The following PCDHGB1 variants were observed in gnomAD, a reference collection of about 807,000 sequenced individuals.
PCDHGB1 encodes the protein protocadherin gamma-B1.
In PCDHGB1, 34 loss-of-function variants were observed where a neutral mutation model predicts 56.6. That is an observed-to-expected ratio of 0.60 (90% confidence interval 0.46 to 0.80). The LOEUF is 0.80. PCDHGB1 is among the 30% of genes least tolerant of loss of function. The pLI is 0.00. For synonymous variants in PCDHGB1, 561 were observed against 505.9 expected, an observed-to-expected ratio of 1.11 and a Z score of -1.46; for missense variants, 1,278 against 1,204.6, an observed-to-expected ratio of 1.06 and a Z score of -0.90.
intron 1 of PCDHGB1, chr5:141,420,292 T>C (rs761934978): frequency 2.7e-6 from 4 of 1,485,132 alleles, no homozygotes; most frequent in Middle Eastern, 1.8e-4. Context: ...TTTAAAAATG[T>C]ATTTAATCCT....
chr5:141,409,759 C>A, intron 1 of PCDHGB1: 1 of 1,612,958 alleles, frequency 6.2e-7, no homozygotes, highest in Non-Finnish European at 8.5e-7. Flanking sequence ...CGCAGCGCGC[C>A]TTTGATCACG....
chr5:141,390,532 T>A, intron 1 of PCDHGB1: 1 of 531,632 alleles, frequency 1.9e-6, no homozygotes, highest in Non-Finnish European at 3.3e-6. Flanking sequence ...GGTGTGGTTT[T>A]AACCACAAAG....
chr5:141,477,970 T>G lies in PCDHGB1; in HGVS notation c.2410-16837T>G. ...TCTTGGGATCCCCTAACCAGAGCCTTTTTGCCATAGGGCTGCACACTGGTC... is the reference window on the plus strand; with the variant it reads ...TCTTGGGATCCCCTAACCAGAGCCTGTTTGCCATAGGGCTGCACACTGGTC... On this transcript the variant is annotated intron_variant, in intron 1 of 3. Coordinates refer to ENST00000523390, the MANE Select transcript of PCDHGB1 (RefSeq NM_018922.3). This position sits in a 1 kb window ranked among gnomAD's most constrained non-coding sequence, Gnocchi z 4.9. 1 of 1,614,090 alleles carries G rather than the reference T, an allele frequency of 6.2e-7. No homozygotes were observed. The highest frequency in any genetic ancestry group is 8.5e-7 in the Non-Finnish European group (1 of 1,180,002).
At chr5:141,360,400 A>G (rs748670827) in intron 1 of PCDHGB1, 6 of 1,613,978 alleles carry the variant, frequency 3.7e-6, no homozygotes, top group Non-Finnish European at 5.1e-6. Context: ...TGTGAGTGAC[A>G]GAATAGACCG....
At position 141,351,146 on chromosome 5, in the gene PCDHGB1, G is replaced by A; in HGVS notation, c.886G>A (p.Asp296Asn). 3.1e-6 allele frequency: 5 copies of A among 1,613,958 alleles called. No homozygotes were observed. Among genetic ancestry groups the A allele is most frequent in the Middle Eastern group, 1.6e-4 (1 of 6,062 alleles). The change falls in exon 1 of 4, where the codon GAC becomes AAC. Residue 296 changes from aspartate to asparagine, a missense_variant. Asp to Asn is a conservative substitution (Grantham distance 23, BLOSUM62 1). Coordinates refer to ENST00000523390, the MANE Select transcript of PCDHGB1 (RefSeq NM_018922.3). Reference sequence around the variant, plus strand: ...CTTCAATCTCAATCCAAATACTGGCGACATCACAACCAATGGCACATTGGA... The same window carrying A: ...CTTCAATCTCAATCCAAATACTGGCAACATCACAACCAATGGCACATTGGA... Reference protein sequence around the residue: ...SLFNLNPNTGDITTNGTLDFE... With the variant: ...SLFNLNPNTGNITTNGTLDFE...
At chr5:141,369,787 A>G (rs1340381540) in intron 1 of PCDHGB1, among the ~76,000 whole-genome samples, 2 of 152,346 alleles carry the variant, frequency 1.3e-5, no homozygotes, top group African/African-American at 4.8e-5. Context: ...GCCTCTTTAT[A>G]CTACGTCTTC....
rs564486909 is a variant in PCDHGB1, at chr5:141,428,072, G to A, written c.2410-66735G>A. The A allele has an allele frequency of 1.6e-5, 25 of 1,609,080 alleles. No individual in the cohort carries two copies. The South Asian group carries it at 1.9e-4, about 12-fold the overall frequency. On this transcript the variant is annotated intron_variant, in intron 1 of 3. Coordinates refer to ENST00000523390, the MANE Select transcript of PCDHGB1 (RefSeq NM_018922.3). The stretch of plus-strand genomic sequence containing the variant: ...AGGTGGTGGCGGTGGACGCAGATTC[G>A]GGACACAACGCTTGGCTGTCCTACC...
intron 1 of PCDHGB1, among the ~76,000 whole-genome samples, chr5:141,448,521 GCATCCTGTCAGCATTTC>G (rs1378426350): frequency 1.3e-5 from 2 of 151,994 alleles, no homozygotes; most frequent in Non-Finnish European, 2.9e-5. Flanking sequence ...ACTTTATTAA[GCATCCTGTCAGCATTTC>G]TTATGCAAAT....
chr5:141,408,219 C>T (rs560438654), intron 1 of PCDHGB1: 4 of 1,557,930 alleles, frequency 2.6e-6, no homozygotes, highest in East Asian at 4.8e-5. Flanking sequence ...GGGAGCTGCG[C>T]GCAGAGGCGC....
At chr5:141,510,579 C>T (rs2099881748) in intron 3 of PCDHGB1, among the ~76,000 whole-genome samples, 1 of 152,170 alleles carries the variant, frequency 6.6e-6, no homozygotes, top group Non-Finnish European at 1.5e-5. Flanking sequence ...CACTATTTTA[C>T]GTACCTGACA....
At chr5:141,447,623 C>G (rs940221130) in intron 1 of PCDHGB1, among the ~76,000 whole-genome samples, 1 of 152,042 alleles carries the variant, frequency 6.6e-6, no homozygotes, top group African/African-American at 2.4e-5. Flanking sequence ...AAAGTTGAAA[C>G]CAACAGTATG....
intron 1 of PCDHGB1, among the ~76,000 whole-genome samples, chr5:141,450,829 ATTT>A (rs373424450): frequency 7.4e-6 from 1 of 135,126 alleles, no homozygotes; most frequent in African/African-American, 2.7e-5. Flanking sequence ...TATTATTATT[ATTT>A]TTTTTTTTTT....
intron 1 of PCDHGB1, chr5:141,427,255 G>C (rs1369151995): frequency 2.2e-6 from 1 of 456,746 alleles, no homozygotes; most frequent in Non-Finnish European, 4.4e-6. Flanking sequence ...GATGGTGGAG[G>C]CATGACCAGC....
In PCDHGB1 at chr5:141,477,155, G is replaced by A. The variant is rs2099406190; in HGVS notation, c.2410-17652G>A. ...GTTGGTGGAGGTTGTGGATGTGAATGACAACGCCCCGGAGATCACAGTCAC... is the reference window on the plus strand; with the variant it reads ...GTTGGTGGAGGTTGTGGATGTGAATAACAACGCCCCGGAGATCACAGTCAC... On this transcript the variant is annotated intron_variant, in intron 1 of 3. Coordinates refer to ENST00000523390, the MANE Select transcript of PCDHGB1 (RefSeq NM_018922.3). The surrounding 1 kb of genome is among the most constrained non-coding windows in gnomAD (Gnocchi z 4.9). The A allele has an allele frequency of 6.2e-7, 1 of 1,614,190 alleles. No individual in the cohort carries two copies. The highest frequency in any genetic ancestry group is 8.5e-7 in the Non-Finnish European group (1 of 1,180,042).
intron 1 of PCDHGB1, among the ~76,000 whole-genome samples, chr5:141,459,014 T>G (rs1429233660): frequency 6.6e-6 from 1 of 152,240 alleles, no homozygotes; most frequent in Non-Finnish European, 1.5e-5. Flanking sequence ...ATTACAGGCA[T>G]GAGCCACCAC....
In PCDHGB1 at chr5:141,477,650, A is replaced by G. The variant is rs199931735; in HGVS notation, c.2410-17157A>G. ...CGGGCTAGTGGGTCGCTATTTCACA[A>G]TAAATCGTGACAATGGCATAGTGTC... On this transcript the variant is annotated intron_variant, in intron 1 of 3. Transcript: ENST00000523390. This position sits in a 1 kb window ranked among gnomAD's most constrained non-coding sequence, Gnocchi z 4.9. The G allele has an allele frequency of 6.2e-6, 10 of 1,614,212 alleles. No individual in the cohort carries two copies. The highest frequency in any genetic ancestry group is 2.2e-5 in the East Asian group (1 of 44,888).
chr5:141,386,620 C>T (rs73279071), intron 1 of PCDHGB1, among the ~76,000 whole-genome samples: 2 of 151,558 alleles, frequency 1.3e-5, no homozygotes, highest in Non-Finnish European at 2.9e-5. Context: ...CATGGAGTCT[C>T]GCTCTGTCAC....
At position 141,372,283 on chromosome 5, in the gene PCDHGB1, G is replaced by T. The variant is rs749946527; in HGVS notation, c.2409+19614G>T. On this transcript the variant is annotated intron_variant, in intron 1 of 3. Coordinates refer to ENST00000523390, the MANE Select transcript of PCDHGB1 (RefSeq NM_018922.3). Reference sequence around the variant, plus strand: ...CGCACGGGTGAGGTGCGCACGGCGCGTACCTTGGGCGACAGGGAGGCCGCC... The same window carrying T: ...CGCACGGGTGAGGTGCGCACGGCGCTTACCTTGGGCGACAGGGAGGCCGCC... 2.9e-5 allele frequency: 47 copies of T among 1,613,080 alleles called. No individual in the cohort carries two copies. Among genetic ancestry groups the T allele is most frequent in the Non-Finnish European group, 2.7e-5 (32 of 1,179,872 alleles).
intron 1 of PCDHGB1, chr5:141,357,721 T>A: frequency 7.1e-7 from 1 of 1,415,050 alleles, no homozygotes; most frequent in East Asian, 2.5e-5. Flanking sequence ...TAAAGTTGCC[T>A]CTTTTAATAT....
Sources: gnomAD v4.1 joint callset for allele counts (sites outside exome capture counted in the v4.1 genomes callset) on GRCh38, gnomAD v4.1.1 for gene constraint, Gnocchi (gnomAD v3.1) non-coding constraint, MANE v1.5 for transcripts, NCBI Gene and HGNC (gene_info 2026-07-23, HGNC 2026-07-21) for gene names.